Variants in ITPR2 observed in about 807,000 individuals in gnomAD.
ITPR2 encodes inositol 1,4,5-trisphosphate-gated calcium channel ITPR2.
A neutral mutation model predicts 317.1 loss-of-function variants in ITPR2; 207 were observed. That is an observed-to-expected ratio of 0.65 (90% confidence interval 0.58 to 0.73). ITPR2 has a LOEUF of 0.73. ITPR2 is among the 30% of genes least tolerant of loss of function. The pLI, the probability that ITPR2 is intolerant of heterozygous loss-of-function variation, is 0.00. For synonymous variants in ITPR2, 1,156 were observed against 1,149.1 expected (o/e 1.01, Z -0.12); for missense variants, 2,613 against 3,284.0 (o/e 0.80, Z 4.99).
intron 37 of ITPR2, among the ~76,000 whole-genome samples, chr12:26,499,995 G>C (rs1297159337): frequency 6.6e-6 from 1 of 152,124 alleles, no homozygotes; most frequent in Non-Finnish European, 1.5e-5. Context: ...TAATGAATAG[G>C]TATAAACAGA....
At chr12:26,495,492 G>A (rs950725317) in intron 37 of ITPR2, 36 of 437,050 alleles carry the variant, frequency 8.2e-5, no homozygotes, top group Admixed American at 7.4e-4. Flanking sequence ...TGGAGGTGAC[G>A]AACAGGTTTA....
chr12:26,811,872 A>AT (rs1950757553), intron 1 of ITPR2, among the ~76,000 whole-genome samples: 2 of 138,522 alleles, frequency 1.4e-5, no homozygotes, highest in Non-Finnish European at 1.6e-5. Context: ...AAAAAAAAAA[A>AT]GAAATCTAGG....
chr12:26,552,752 T>C (rs1944558202), intron 36 of ITPR2, among the ~76,000 whole-genome samples: 1 of 152,228 alleles, frequency 6.6e-6, no homozygotes, highest in Non-Finnish European at 1.5e-5. Flanking sequence ...GGCATATACA[T>C]TCACATAATA....
intron 2 of ITPR2, among the ~76,000 whole-genome samples, chr12:26,730,703 A>T (rs1394044192): frequency 6.6e-6 from 1 of 152,160 alleles, no homozygotes; most frequent in Non-Finnish European, 1.5e-5. Context: ...TTATTTATTT[A>T]TTTTTTGAAC....
At chr12:26,666,569 T>C (rs1002094188) in intron 13 of ITPR2, among the ~76,000 whole-genome samples, 1 of 152,200 alleles carries the variant, frequency 6.6e-6, no homozygotes, top group Non-Finnish European at 1.5e-5. Flanking sequence ...ACTGTTAAAC[T>C]ACATTTCCTA....
chr12:26,747,679 G>A (rs191389794), intron 2 of ITPR2, among the ~76,000 whole-genome samples: 1 of 152,276 alleles, frequency 6.6e-6, no homozygotes, highest in Admixed American at 6.5e-5. Flanking sequence ...CTGAGAATAT[G>A]TCCTTGCTTG....
At chr12:26,340,691 C>T (rs905242767) in intron 55 of ITPR2, among the ~76,000 whole-genome samples, 13 of 151,976 alleles carry the variant, frequency 8.6e-5, no homozygotes, top group African/African-American at 2.2e-4. Context: ...CACTGTTTCT[C>T]TTTCCCCCTG....
At chr12:26,438,928 T>C (rs1156333098) in intron 47 of ITPR2, among the ~76,000 whole-genome samples, 199 bp downstream of exon 47, 1 of 152,188 alleles carries the variant, frequency 6.6e-6, no homozygotes, top group Non-Finnish European at 1.5e-5. Context: ...AGTTAGGGCT[T>C]TCTGTTTTCC....
Position 26,339,268 on chromosome 12 carries a change from A to G in ITPR2, c.*129T>C. ...ATTGTTCTCGGAGCTAACCCACTCA[A>G]CATCTTGGCACTTGGTTGTTTTTAA... On this transcript the variant is annotated 3_prime_UTR_variant, in exon 57 of 57. Coordinates refer to ENST00000381340, the MANE Select transcript of ITPR2 (RefSeq NM_002223.4). The G allele has an allele frequency of 9.5e-6, 7 of 739,350 alleles. No individual in the cohort carries two copies. In the South Asian group the frequency reaches 1.2e-4, roughly 13 times the overall value. The allele number at this position is 739,350 out of a possible 1,614,324, so 45.8% of individuals were successfully genotyped here.
chr12:26,653,012 A>G (rs1947290066), intron 21 of ITPR2, among the ~76,000 whole-genome samples: 1 of 152,214 alleles, frequency 6.6e-6, no homozygotes. Context: ...AATTCTTGCA[A>G]GGAAACTGTG....
At chr12:26,648,994 C>T (rs1373838940) in intron 21 of ITPR2, 1 of 152,176 alleles carries the variant, frequency 6.6e-6, no homozygotes, top group Non-Finnish European at 1.5e-5. Context: ...GTTGTAAGAT[C>T]ATTCTTGAAG....
In ITPR2 at chr12:26,339,496, AG is replaced by A; in HGVS notation, c.8020-14del. The A allele has an allele frequency of 1.9e-6, 3 of 1,611,048 alleles. No individual in the cohort carries two copies. The highest frequency in any genetic ancestry group is 1.7e-6 in the Non-Finnish European group (2 of 1,177,426). ...TTTGTTCTGTCATCTGGGGGAAAAG[AG>A]AGAGTGTGTGTTCAGCGGATTTTCT... On this transcript the variant is annotated splice_polypyrimidine_tract_variant and intron_variant, in intron 56 of 56. Transcript: ENST00000381340.
At chr12:26,482,893 G>T (rs187812528) in intron 42 of ITPR2, among the ~76,000 whole-genome samples, 1 of 152,128 alleles carries the variant, frequency 6.6e-6, no homozygotes, top group Non-Finnish European at 1.5e-5. Context: ...TGCTCTCAAT[G>T]ACTTTTTTAA....
At chr12:26,578,997 T>C (rs1231619363) in intron 33 of ITPR2, among the ~76,000 whole-genome samples, 164 bp from the exon 34 acceptor site, 1 of 152,232 alleles carries the variant, frequency 6.6e-6, no homozygotes, top group Non-Finnish European at 1.5e-5. Context: ...ATTTATTAGA[T>C]ACTCTCTTCA....
intron 34 of ITPR2, among the ~76,000 whole-genome samples, chr12:26,562,800 G>T (rs946536076): frequency 6.6e-6 from 1 of 151,918 alleles, no homozygotes; most frequent in Non-Finnish European, 1.5e-5. Flanking sequence ...ATAGCATTAG[G>T]AGATATACCT....
At chr12:26,826,278 A>G (rs1019205070) in intron 1 of ITPR2, among the ~76,000 whole-genome samples, 1 of 152,184 alleles carries the variant, frequency 6.6e-6, no homozygotes, top group African/African-American at 2.4e-5. Context: ...AAACTGTAAT[A>G]AGAACAGCAT....
At chr12:26,492,245 A>G (rs1942823668) in intron 39 of ITPR2, among the ~76,000 whole-genome samples, 1 of 152,202 alleles carries the variant, frequency 6.6e-6, no homozygotes, top group African/African-American at 2.4e-5. Context: ...TCGGTTGTGA[A>G]GAGATCTAGG....
intron 1 of ITPR2, among the ~76,000 whole-genome samples, chr12:26,792,371 G>T (rs1950356630): frequency 6.6e-6 from 1 of 151,246 alleles, no homozygotes; most frequent in Non-Finnish European, 1.5e-5. Flanking sequence ...AGTCAAACAG[G>T]ATTTTAATGG....
chr12:26,726,109 A>G (rs1268709746), intron 2 of ITPR2: 1 of 186,422 alleles, frequency 5.4e-6, no homozygotes, highest in African/African-American at 2.4e-5. Flanking sequence ...GAGATTAGTG[A>G]CTTTCACTGC....
Sources: allele counts gnomAD v4.1 joint callset (sites outside exome capture counted in the v4.1 genomes callset), GRCh38; gene constraint gnomAD v4.1.1; transcripts MANE v1.5; gene names NCBI Gene and HGNC (gene_info 2026-07-23, HGNC 2026-07-21).